Variants in RPS6KA1 observed in about 807,000 individuals in gnomAD.
RPS6KA1 encodes the protein ribosomal protein S6 kinase alpha-1.
Under a neutral mutation model 91.3 loss-of-function variants are expected in RPS6KA1, and 48 were observed. The observed-to-expected ratio is 0.53, with a 90% CI of 0.42 to 0.67. The LOEUF is 0.67. Ranked by LOEUF, RPS6KA1 falls within the 30% of genes least tolerant of loss-of-function variation. The probability of loss-of-function intolerance (pLI) is 0.00; values close to 1 mark genes in which losing one functional copy is unlikely to be tolerated. For synonymous variants in RPS6KA1, 359 were observed against 384.7 expected (o/e 0.93, Z 0.78); for missense variants, 719 against 960.5 (o/e 0.75, Z 3.32).
At chr1:26,537,007 G>C (rs968641339) in intron 2 of RPS6KA1, 38 bp downstream of exon 2, 3 of 1,611,048 alleles carry the variant, frequency 1.9e-6, no homozygotes, top group South Asian at 2.2e-5. Flanking sequence ...GAGGGGCTGT[G>C]GGGGATCCTG....
At chr1:26,531,674 A>G (rs1570414543) in intron 1 of RPS6KA1, among the ~76,000 whole-genome samples, 1 of 151,968 alleles carries the variant, frequency 6.6e-6, no homozygotes, top group Non-Finnish European at 1.5e-5. Flanking sequence ...GGGCAGGGGG[A>G]CGCAATTTCC....
At chr1:26,536,448 T>C (rs737465) in intron 1 of RPS6KA1, among the ~76,000 whole-genome samples, 117,224 of 152,198 alleles carry the variant, frequency 0.77, 45,646 homozygotes, top group African/African-American at 0.89. Flanking sequence ...CTGGGTTGCA[T>C]GCTTTCCCAG....
At chr1:26,564,567 A>G (rs542273680) in intron 17 of RPS6KA1, among the ~76,000 whole-genome samples, 1 of 152,256 alleles carries the variant, frequency 6.6e-6, no homozygotes, top group Admixed American at 6.5e-5. Context: ...CACGCTGCCC[A>G]CCTTTAACCA....
In RPS6KA1 at chr1:26,540,356, C is replaced by T. The variant is rs2075937785; in HGVS notation, c.108+3387C>T. On this transcript the variant is annotated intron_variant, in intron 2 of 21. Transcript: ENST00000374168. This position sits in a 1 kb window ranked among gnomAD's most constrained non-coding sequence, Gnocchi z 4.2. ...CAGCTCTTCCTGACTTCCCACTCTA[C>T]CCTCCTGGCCTTAAGCCCCTTGGTC... Among the ~76,000 whole-genome samples, 2 of 152,218 alleles carry T rather than the reference C, an allele frequency of 1.3e-5. No homozygotes were observed. Among genetic ancestry groups the T allele is most frequent in the South Asian group, 4.1e-4 (2 of 4,832 alleles).
chr1:26,557,384 C>T lies in RPS6KA1; in HGVS notation c.1084+284C>T, dbSNP rs554569025. On this transcript the variant is annotated intron_variant, in intron 13 of 21. Coordinates refer to ENST00000374168, the MANE Select transcript of RPS6KA1 (RefSeq NM_002953.4). ...CAGTAGAAAAGCCAGGACCCCTGCC[C>T]GGGGCACCTTCCAGCCCACTGGGAA... Among the ~76,000 whole-genome samples, 90 of 152,200 alleles carry T rather than the reference C, an allele frequency of 5.9e-4. 1 individual carries two copies. Among genetic ancestry groups the T allele is most frequent in the African/African-American group, 1.8e-3 (73 of 41,532 alleles).
In RPS6KA1 at chr1:26,561,714, C is replaced by T; in HGVS notation, c.1590+51C>T. 1 of 1,524,418 alleles carries T rather than the reference C, an allele frequency of 6.6e-7. No homozygotes were observed. Among genetic ancestry groups the T allele is most frequent in the Non-Finnish European group, 8.9e-7 (1 of 1,129,168 alleles). The allele number at this position is 1,524,418 out of a possible 1,614,324, so 94.4% of individuals were successfully genotyped here. A position where few individuals can be genotyped will look rare whatever the true frequency, so the allele number is the denominator to read the frequency against. On this transcript the variant is annotated intron_variant, in intron 17 of 21. Coordinates refer to ENST00000374168, the MANE Select transcript of RPS6KA1 (RefSeq NM_002953.4). The surrounding 1 kb of genome is among the most constrained non-coding windows in gnomAD (Gnocchi z 5.7). Reference sequence around the variant, plus strand: ...AGGGGGATGCCAAGGGTCATATCATCAGCAGAGAACATGAACCACCTGCTG... The same window carrying T: ...AGGGGGATGCCAAGGGTCATATCATTAGCAGAGAACATGAACCACCTGCTG...
Position 26,560,807 on chromosome 1 carries a change from A to C in RPS6KA1, c.1297A>C (p.Lys433Gln). The C allele has an allele frequency of 6.2e-7, 1 of 1,614,184 alleles. No homozygotes were observed. The highest frequency in any genetic ancestry group is 8.5e-7 in the Non-Finnish European group (1 of 1,180,048). The change falls in exon 15 of 22, where the codon AAG becomes CAG. Residue 433 changes from lysine to glutamine, a missense_variant. Around this residue, in one of 5 missense-constraint regions of RPS6KA1, gnomAD observed 26 missense variants for 69.6 expected, o/e 0.37. Coordinates refer to ENST00000374168, the MANE Select transcript of RPS6KA1 (RefSeq NM_002953.4). ...TIGVGSYSEC[K>Q]RCVHKATNME... The stretch of plus-strand genomic sequence containing the variant: ...TGGTGTGGGCTCCTACTCTGAGTGC[A>C]AGCGCTGTGTCCACAAGGCCACCAA...
At chr1:26,564,207 GCA>G in intron 17 of RPS6KA1, among the ~76,000 whole-genome samples, 1 of 152,264 alleles carries the variant, frequency 6.6e-6, no homozygotes, top group African/African-American at 2.4e-5. Flanking sequence ...ATCCACGAGT[GCA>G]CAGTGTCATG....
chr1:26,555,723 T>C lies in RPS6KA1; in HGVS notation c.916+98T>C, dbSNP rs879191567. 18 of 1,210,546 alleles carry C rather than the reference T, an allele frequency of 1.5e-5. No individual in the cohort carries two copies. Among genetic ancestry groups the C allele is most frequent in the South Asian group, 1.4e-4 (11 of 76,900 alleles). The allele number at this position is 1,210,546 out of a possible 1,614,324, so 75.0% of individuals were successfully genotyped here. A position where few individuals can be genotyped will look rare whatever the true frequency, so the allele number is the denominator to read the frequency against. On this transcript the variant is annotated intron_variant, in intron 11 of 21. Coordinates refer to ENST00000374168, the MANE Select transcript of RPS6KA1 (RefSeq NM_002953.4). The surrounding 1 kb of genome is among the most constrained non-coding windows in gnomAD (Gnocchi z 4.3). Reference sequence around the variant, plus strand: ...GCCACATCTGGGCTGAAAGGGGCCGTTGTCCTTTGTGTGGGCAGACAATGC... The same window carrying C: ...GCCACATCTGGGCTGAAAGGGGCCGCTGTCCTTTGTGTGGGCAGACAATGC...
At chr1:26,541,955 C>T (rs536083621) in intron 2 of RPS6KA1, among the ~76,000 whole-genome samples, 24 of 152,178 alleles carry the variant, frequency 1.6e-4, no homozygotes, top group South Asian at 2.1e-4. Context: ...AGTCCCTATG[C>T]GGGGGATGGG....
intron 1 of RPS6KA1, chr1:26,530,730 C>T (rs952324955): frequency 7.0e-6 from 9 of 1,280,474 alleles, no homozygotes; most frequent in Admixed American, 4.7e-5. Context: ...GACAACCCAG[C>T]TCCTTCTCTC....
chr1:26,532,601 T>C (rs1038598882), intron 1 of RPS6KA1, among the ~76,000 whole-genome samples: 2 of 152,210 alleles, frequency 1.3e-5, no homozygotes, highest in African/African-American at 2.4e-5. Flanking sequence ...CCCTGGCACC[T>C]GGCCCCCAGC....
chr1:26,561,748 AT>A lies in RPS6KA1; in HGVS notation c.1590+86del. 1 of 1,406,876 alleles carries A rather than the reference AT, an allele frequency of 7.1e-7. No individual in the cohort carries two copies. Among genetic ancestry groups the A allele is most frequent in the Non-Finnish European group, 9.7e-7 (1 of 1,035,344 alleles). The allele number at this position is 1,406,876 out of a possible 1,614,324, so 87.1% of individuals were successfully genotyped here. Reference sequence around the variant, plus strand: ...ACATGAACCACCTGCTGGCCCAGGAATGGCAGCCTCCAGCTAGCCAAACTGA... The same window carrying A: ...ACATGAACCACCTGCTGGCCCAGGAAGGCAGCCTCCAGCTAGCCAAACTGA... On this transcript the variant is annotated intron_variant, in intron 17 of 21. Coordinates refer to ENST00000374168, the MANE Select transcript of RPS6KA1 (RefSeq NM_002953.4). The surrounding 1 kb of genome is among the most constrained non-coding windows in gnomAD (Gnocchi z 5.7).
intron 4 of RPS6KA1, among the ~76,000 whole-genome samples, chr1:26,549,726 G>A (rs1387516331): frequency 2.1e-5 from 3 of 140,550 alleles, no homozygotes; most frequent in Admixed American, 1.4e-4. Flanking sequence ...TCCCGAGATG[G>A]AGTCTCACTC....
At chr1:26,536,201 T>C (rs1193008970) in intron 1 of RPS6KA1, among the ~76,000 whole-genome samples, 1 of 148,202 alleles carries the variant, frequency 6.7e-6, no homozygotes, top group Admixed American at 6.7e-5. Flanking sequence ...TGCGAGGCAC[T>C]GAGCCCAGTG....
rs1251957153 is a variant in RPS6KA1 at position 26,547,487 on chromosome 1, G to A, written c.307+217G>A. On this transcript the variant is annotated intron_variant, in intron 4 of 21. Coordinates refer to ENST00000374168, the MANE Select transcript of RPS6KA1 (RefSeq NM_002953.4). The surrounding 1 kb of genome is among the most constrained non-coding windows in gnomAD (Gnocchi z 4.1). Reference sequence around the variant, plus strand: ...GACTGGCTGTGAAGGTCTGGAAGGTGGTAATAGGGTAAATGCAATGTGTTT... The same window carrying A: ...GACTGGCTGTGAAGGTCTGGAAGGTAGTAATAGGGTAAATGCAATGTGTTT... 7.3e-6 allele frequency: 4 copies of A among 544,966 alleles called. No individual in the cohort carries two copies. The highest frequency in any genetic ancestry group is 1.3e-5 in the Non-Finnish European group (4 of 301,272). The allele number at this position is 544,966 out of a possible 1,614,324, so 33.8% of individuals were successfully genotyped here. A position where few individuals can be genotyped will look rare whatever the true frequency, so the allele number is the denominator to read the frequency against.
intron 1 of RPS6KA1, among the ~76,000 whole-genome samples, chr1:26,536,202 G>A (rs951811552): frequency 6.7e-6 from 1 of 150,328 alleles, no homozygotes; most frequent in Non-Finnish European, 1.5e-5. Context: ...GCGAGGCACT[G>A]AGCCCAGTGC....
At chr1:26,566,261 A>G (rs1317076098) in intron 17 of RPS6KA1, among the ~76,000 whole-genome samples, 1 of 139,994 alleles carries the variant, frequency 7.1e-6, no homozygotes, top group African/African-American at 2.6e-5. Flanking sequence ...GTGGGTGTGG[A>G]GTGGTATCTC....
At chr1:26,531,105 C>A in intron 1 of RPS6KA1, 1 of 171,328 alleles carries the variant, frequency 5.8e-6, no homozygotes, top group Non-Finnish European at 1.2e-5. Context: ...GGTGAGCACC[C>A]AGGGTCCCCA....
Sources: gnomAD v4.1 joint callset for allele counts (sites outside exome capture counted in the v4.1 genomes callset) on GRCh38, gnomAD v4.1.1 for gene constraint, gnomAD v4.1.1 regional missense constraint, Gnocchi (gnomAD v3.1) non-coding constraint, MANE v1.5 for transcripts, NCBI Gene and HGNC (gene_info 2026-07-23, HGNC 2026-07-21) for gene names.